Variants in CMIP observed in about 807,000 individuals in gnomAD.
CMIP encodes c-Maf inducing protein.
CMIP carries 13 observed loss-of-function variants against 97.3 expected under a neutral mutation model. That is an observed-to-expected ratio of 0.13 (90% CI 0.09 to 0.21). The LOEUF (loss-of-function observed/expected upper bound fraction) is 0.21, where lower values mean the gene tolerates loss of function less well. Among genes scored for constraint, CMIP ranks in the 10% least tolerant of loss-of-function variants. CMIP has a pLI of 1.00. For missense variants in CMIP, 847 were observed against 1,024.9 expected, an observed-to-expected ratio of 0.83 and a Z score of 2.37; for synonymous variants, 538 against 436.3, an observed-to-expected ratio of 1.23 and a Z score of -2.91.
intron 1 of CMIP, among the ~76,000 whole-genome samples, chr16:81,509,737 C>G (rs546790383): frequency 6.6e-6 from 1 of 152,264 alleles, no homozygotes; most frequent in Admixed American, 6.5e-5. Flanking sequence ...GAACAGATGT[C>G]TCTTGAGGCC....
rs865967287 is a variant in CMIP at position 81,711,347 on chromosome 16, T to C, written c.*1548T>C. On this transcript the variant is annotated 3_prime_UTR_variant, in exon 21 of 21. Coordinates refer to ENST00000537098, the MANE Select transcript of CMIP (RefSeq NM_198390.3). ...TTATACTTTGCTAGGTAGACTTTAT[T>C]ACCCCCCCACTATGCCCTCATTTTT... is the stretch of plus-strand genomic sequence containing the variant. 6.6e-6 allele frequency: 1 copy of C among 152,332 alleles called. No individual in the cohort carries two copies. The highest frequency in any genetic ancestry group is 3.4e-3 in the Middle Eastern group (1 of 294). The allele number at this position is 152,332 out of a possible 1,614,324, so 9.4% of individuals were successfully genotyped here.
chr16:81,509,800 C>T (rs568729750), intron 1 of CMIP, among the ~76,000 whole-genome samples: 1 of 152,290 alleles, frequency 6.6e-6, no homozygotes, highest in Non-Finnish European at 1.5e-5. Flanking sequence ...GGACCCAGAC[C>T]CCTCAGCTTG....
chr16:81,569,111 C>T (rs1257515688), intron 1 of CMIP, among the ~76,000 whole-genome samples: 3 of 152,190 alleles, frequency 2.0e-5, no homozygotes, highest in Non-Finnish European at 4.4e-5. Context: ...AATGCTTTCC[C>T]TTCTGGGTGC....
chr16:81,700,284 C>T (rs779537533), intron 15 of CMIP, among the ~76,000 whole-genome samples: 1 of 152,128 alleles, frequency 6.6e-6, no homozygotes, highest in East Asian at 1.9e-4. Flanking sequence ...CTCGTGGCCT[C>T]CAGGTAGCCT....
chr16:81,624,348 C>T (rs1349695031), intron 3 of CMIP, among the ~76,000 whole-genome samples: 1 of 152,166 alleles, frequency 6.6e-6, no homozygotes, highest in Non-Finnish European at 1.5e-5. Flanking sequence ...TCTCCTAATG[C>T]TATCTTGTTT....
chr16:81,683,514 C>G (rs1321619345), intron 10 of CMIP, among the ~76,000 whole-genome samples: 1 of 152,030 alleles, frequency 6.6e-6, no homozygotes, highest in Non-Finnish European at 1.5e-5. Context: ...CTCAGCCTCC[C>G]CAGTAGCTAG....
At chr16:81,671,672 G>A (rs1240464599) in intron 8 of CMIP, among the ~76,000 whole-genome samples, 1 of 152,216 alleles carries the variant, frequency 6.6e-6, no homozygotes, top group Non-Finnish European at 1.5e-5. Context: ...TATCGCTGCA[G>A]AAACAGGGTG....
intron 1 of CMIP, among the ~76,000 whole-genome samples, chr16:81,548,803 G>A (rs1423820039): frequency 1.3e-5 from 2 of 152,140 alleles, no homozygotes; most frequent in African/African-American, 4.8e-5. Context: ...CTACGATCAT[G>A]CTGCTGCACT....
intron 1 of CMIP, among the ~76,000 whole-genome samples, chr16:81,525,720 A>G (rs1183706075): frequency 6.6e-6 from 1 of 152,176 alleles, no homozygotes; most frequent in Non-Finnish European, 1.5e-5. Context: ...TCTCCAGAAC[A>G]CTGTCATCTT....
At chr16:81,617,968 G>T (rs2091942839) in intron 2 of CMIP, among the ~76,000 whole-genome samples, 1 of 152,128 alleles carries the variant, frequency 6.6e-6, no homozygotes, top group Non-Finnish European at 1.5e-5. Flanking sequence ...CCTTCTTTTT[G>T]TCTTTGCTTG....
chr16:81,582,167 C>G (rs1052936622), intron 1 of CMIP, among the ~76,000 whole-genome samples: 8 of 152,140 alleles, frequency 5.3e-5, no homozygotes, highest in Non-Finnish European at 1.2e-4. Context: ...CCCCCATGAT[C>G]CAATCACCTC....
At chr16:81,474,996 C>T (rs1907809305) in intron 1 of CMIP, among the ~76,000 whole-genome samples, 1 of 152,172 alleles carries the variant, frequency 6.6e-6, no homozygotes, top group African/African-American at 2.4e-5. Flanking sequence ...AAGGAGCCTT[C>T]AGCAACATGG....
chr16:81,445,514 G>T lies in CMIP; in HGVS notation c.273G>T (p.Leu91=). The T allele has an allele frequency of 1.3e-6, 2 of 1,551,064 alleles. No homozygotes were observed. The highest frequency in any genetic ancestry group is 1.7e-6 in the Non-Finnish European group (2 of 1,147,358). The change falls in exon 1 of 21, where the codon CTG becomes CTT. Residue 91 remains leucine, a synonymous_variant. Transcript: ENST00000537098. The part of the protein sequence containing the change: ...LRRWEPHHLT[L]ADNSLASATP... The stretch of plus-strand genomic sequence containing the variant: ...GCTGGGAGCCGCACCACCTAACGCT[G>T]GCCGACAACAGCCTGGCGTCCGCCA...
chr16:81,456,280 A>G (rs1375284133), intron 1 of CMIP, among the ~76,000 whole-genome samples: 1 of 152,032 alleles, frequency 6.6e-6, no homozygotes, highest in Admixed American at 6.6e-5. Context: ...TCATTCTCAG[A>G]CCTTTAGGCG....
At chr16:81,552,862 G>T (rs2090686598) in intron 1 of CMIP, among the ~76,000 whole-genome samples, 1 of 152,124 alleles carries the variant, frequency 6.6e-6, no homozygotes, top group African/African-American at 2.4e-5. Flanking sequence ...GCTGTGGCTG[G>T]GGACAGAGTG....
intron 1 of CMIP, among the ~76,000 whole-genome samples, chr16:81,497,174 G>C (rs144377392): frequency 2.6e-5 from 4 of 152,320 alleles, no homozygotes; most frequent in African/African-American, 9.6e-5. Flanking sequence ...TGCATAGCCC[G>C]GGGGACTCAG....
intron 2 of CMIP, among the ~76,000 whole-genome samples, chr16:81,612,638 A>G (rs866792004): frequency 2.6e-5 from 4 of 152,194 alleles, no homozygotes; most frequent in South Asian, 4.1e-4. Flanking sequence ...TGCAACAATG[A>G]GAAAGAACTT....
At chr16:81,575,397 C>A (rs1044993583) in intron 1 of CMIP, among the ~76,000 whole-genome samples, 1 of 152,182 alleles carries the variant, frequency 6.6e-6, no homozygotes, top group Non-Finnish European at 1.5e-5. Context: ...CTGTCACTGG[C>A]CCTCCTTTTC....
chr16:81,460,990 G>A (rs930701118), intron 1 of CMIP, among the ~76,000 whole-genome samples: 3 of 152,224 alleles, frequency 2.0e-5, no homozygotes, highest in Admixed American at 6.5e-5. Context: ...GAGAGTTGGA[G>A]TAATCTGTGA....
Sources: allele counts gnomAD v4.1 joint callset (sites outside exome capture counted in the v4.1 genomes callset), GRCh38; gene constraint gnomAD v4.1.1; transcripts MANE v1.5; gene names NCBI Gene and HGNC (gene_info 2026-07-23, HGNC 2026-07-21).